The following CNTLN variants were observed in gnomAD, a reference collection of about 807,000 sequenced individuals.
CNTLN encodes the protein centlein.
CNTLN carries 212 observed loss-of-function variants against 180.0 expected under a neutral mutation model. The ratio of observed to expected loss-of-function variants is 1.18; its 90% CI spans 1.05 to 1.32. The LOEUF (loss-of-function observed/expected upper bound fraction) is 1.32. CNTLN is among the 40% of genes most tolerant of loss of function. The probability of loss-of-function intolerance (pLI) is 0.00; values close to 1 mark genes in which losing one functional copy is unlikely to be tolerated. For missense variants in CNTLN, 2,095 were observed against 1,610.9 expected (o/e 1.30, Z -5.14); for synonymous variants, 722 against 563.1 (o/e 1.28, Z -3.99).
Position 17,267,533 on chromosome 9 carries a change from C to T in CNTLN, c.850-6200C>T, listed in dbSNP as rs578117044. On this transcript the variant is annotated intron_variant, in intron 5 of 25. Transcript: ENST00000380647. Reference sequence around the variant, plus strand: ...TTATGTGTCTTGGAGTTGCTCTTCTCGAGGAGTATCTTTGTGGCGTTCTCT... The same window carrying T: ...TTATGTGTCTTGGAGTTGCTCTTCTTGAGGAGTATCTTTGTGGCGTTCTCT... 3.0e-3 allele frequency among the ~76,000 whole-genome samples: 449 copies of T among 151,946 alleles called. 5 individuals are homozygous for T. Among genetic ancestry groups the T allele is most frequent in the African/African-American group, 0.01 (424 of 41,302 alleles).
In CNTLN at chr9:17,487,303, A is replaced by C. The variant is rs185962308; in HGVS notation, c.4119+237A>C. ...TGGGTCTTAGCAAATGCATTAATTA[A>C]ATTATTGAGTCAACCTCTGTGCTTG... On this transcript the variant is annotated intron_variant, in intron 25 of 25. Transcript: ENST00000380647. The C allele has an allele frequency of 7.0e-4, 329 of 469,078 alleles. 3 individuals are homozygous for C. In the South Asian group the frequency reaches 7.8e-3, roughly 11 times the overall value. 29.1% of individuals were successfully genotyped at this position (469,078 alleles called of 1,614,324 possible).
intron 12 of CNTLN, among the ~76,000 whole-genome samples, chr9:17,343,043 C>A (rs10963046): frequency 0.29 from 43,682 of 152,112 alleles, 6,651 homozygotes; most frequent in South Asian, 0.51. Context: ...CTTGCTGTGC[C>A]CTGCCTGTCC....
chr9:17,220,849 A>G (rs937010002), intron 2 of CNTLN, among the ~76,000 whole-genome samples: 1 of 152,106 alleles, frequency 6.6e-6, no homozygotes, highest in Non-Finnish European at 1.5e-5. Flanking sequence ...TCCATCATTG[A>G]TGGGCATTTA....
At chr9:17,261,337 C>G (rs1826960591) in intron 5 of CNTLN, among the ~76,000 whole-genome samples, 2 of 151,404 alleles carry the variant, frequency 1.3e-5, no homozygotes, top group Non-Finnish European at 2.9e-5. Context: ...TTTGTGTCAT[C>G]TATGATTTCT....
intron 23 of CNTLN, among the ~76,000 whole-genome samples, chr9:17,475,774 G>A (rs369310407): frequency 6.6e-6 from 1 of 151,522 alleles, no homozygotes; most frequent in Admixed American, 6.6e-5. Context: ...TTGGGAGGCT[G>A]AGGCAAGAGA....
intron 2 of CNTLN, among the ~76,000 whole-genome samples, chr9:17,221,705 C>T (rs1048436952): frequency 1.3e-5 from 2 of 151,984 alleles, no homozygotes; most frequent in African/African-American, 4.8e-5. Context: ...ACTGCCTGTT[C>T]ATCATCCTAT....
At chr9:17,387,420 A>C (rs1420357542) in intron 13 of CNTLN, among the ~76,000 whole-genome samples, 1 of 152,206 alleles carries the variant, frequency 6.6e-6, no homozygotes, top group African/African-American at 2.4e-5. Flanking sequence ...CTGATAAGAA[A>C]AAAGTTATTT....
At chr9:17,498,950 C>T (rs550633893) in intron 25 of CNTLN, among the ~76,000 whole-genome samples, 4 of 152,272 alleles carry the variant, frequency 2.6e-5, no homozygotes, top group East Asian at 1.9e-4. Flanking sequence ...CTAAGGGAGA[C>T]GTAGCCCCTT....
At chr9:17,360,707 C>A (rs1425442276) in intron 12 of CNTLN, among the ~76,000 whole-genome samples, 1 of 152,102 alleles carries the variant, frequency 6.6e-6, no homozygotes, top group Non-Finnish European at 1.5e-5. Flanking sequence ...TTAGTTTCAA[C>A]TATTTTGGGA....
rs867823233 is a variant in CNTLN at position 17,188,762 on chromosome 9, C to T, written c.450-37441C>T. ...AGGTTCCATTAAAAATATATATTCA[C>T]TTTCTCTCCATTATGTTCATGTTTT... On this transcript the variant is annotated intron_variant, in intron 2 of 25. Transcript: ENST00000380647. 9.2e-5 allele frequency among the ~76,000 whole-genome samples: 14 copies of T among 152,086 alleles called. 1 individual carries two copies. The highest frequency in any genetic ancestry group is 8.3e-4 in the South Asian group (4 of 4,820).
intron 16 of CNTLN, among the ~76,000 whole-genome samples, chr9:17,412,571 A>G (rs1827934884): frequency 6.6e-6 from 1 of 152,220 alleles, no homozygotes; most frequent in African/African-American, 2.4e-5. Context: ...GGCAGTATTC[A>G]ATAAATAAAT....
At position 17,323,381 on chromosome 9, in the gene CNTLN, AT is replaced by A. The variant is rs1165504137; in HGVS notation, c.1342-7250del. Among the ~76,000 whole-genome samples, 34 of 152,214 alleles carry A rather than the reference AT, an allele frequency of 2.2e-4. 2 individuals carry two copies. Among genetic ancestry groups the A allele is most frequent in the Admixed American group, 2.1e-3 (32 of 15,282 alleles). ...ATTTGTTTTGTGGCATAAATGGTGC[AT>A]GTGTAGAACATTAGCCATGGCACTC... is the stretch of plus-strand genomic sequence containing the variant. On this transcript the variant is annotated intron_variant, in intron 8 of 25. Coordinates refer to ENST00000380647, the MANE Select transcript of CNTLN (RefSeq NM_017738.4).
chr9:17,138,988 A>G lies in CNTLN; in HGVS notation c.360+3563A>G, dbSNP rs1396146383. ...CTGTTTCATAGCCCAAGTTTAATAA[A>G]CTTTGTGAAAATGATTAGGAATTTT... On this transcript the variant is annotated intron_variant, in intron 1 of 25. Coordinates refer to ENST00000380647, the MANE Select transcript of CNTLN (RefSeq NM_017738.4). Among the ~76,000 whole-genome samples, 11 of 152,178 alleles carry G rather than the reference A, an allele frequency of 7.2e-5. No individual in the cohort carries two copies. In the South Asian group the frequency reaches 2.3e-3, roughly 31 times the overall value.
chr9:17,466,175 C>T, intron 22 of CNTLN, 57 bp downstream of exon 22: 1 of 1,461,126 alleles, frequency 6.8e-7, no homozygotes, highest in Non-Finnish European at 9.4e-7. Context: ...GTGTTTGTTT[C>T]ATTTTTAACA....
At position 17,154,703 on chromosome 9, in the gene CNTLN, G is replaced by T. The variant is rs184113444; in HGVS notation, c.449+11327G>T. Among the ~76,000 whole-genome samples the T allele has an allele frequency of 3.1e-4, 47 of 152,308 alleles. 1 individual carries two copies. The highest frequency in any genetic ancestry group is 1.1e-3 in the African/African-American group (45 of 41,566). On this transcript the variant is annotated intron_variant, in intron 2 of 25. Transcript: ENST00000380647. ...ATCAGTGCTCTGTGTCTAGCTAAAG[G>T]TTTGTAAATGCACCAATCAGCACTC...
At chr9:17,397,496 C>T (rs138964555) in intron 15 of CNTLN, among the ~76,000 whole-genome samples, 32 of 152,136 alleles carry the variant, frequency 2.1e-4, no homozygotes, top group African/African-American at 7.0e-4. Context: ...AGAATAGCAG[C>T]GAGGATGACC....
intron 7 of CNTLN, chr9:17,301,658 G>A (rs2132829955): frequency 1.0e-6 from 1 of 971,134 alleles, no homozygotes; most frequent in Non-Finnish European, 1.2e-6. Context: ...GCTTGTAGTT[G>A]TTCATACAGT....
At chr9:17,417,883 A>C (rs1019008173) in intron 18 of CNTLN, among the ~76,000 whole-genome samples, 7 of 152,030 alleles carry the variant, frequency 4.6e-5, no homozygotes, top group Admixed American at 3.3e-4. Flanking sequence ...ACAGATTTCA[A>C]CTACTTGTAA....
chr9:17,430,712 C>A (rs1164548161), intron 18 of CNTLN, among the ~76,000 whole-genome samples: 1 of 152,044 alleles, frequency 6.6e-6, no homozygotes, highest in Non-Finnish European at 1.5e-5. Context: ...CGCCTGCCAC[C>A]CTTTGTAGCC....
Sources: allele counts gnomAD v4.1 joint callset (sites outside exome capture counted in the v4.1 genomes callset), GRCh38; gene constraint gnomAD v4.1.1; transcripts MANE v1.5; gene names NCBI Gene and HGNC (gene_info 2026-07-23, HGNC 2026-07-21).